IRAK3: variants seen among roughly 807,000 people sequenced by gnomAD.
The protein encoded by IRAK3 is interleukin 1 receptor associated kinase 3, also known as interleukin-1 receptor-associated kinase 3.
IRAK3 carries 57 observed loss-of-function variants against 56.6 expected under a neutral mutation model. The observed-to-expected ratio is 1.01, with a 90% CI of 0.81 to 1.26. The LOEUF is 1.26. Among genes scored for constraint, IRAK3 ranks in the 50% most tolerant of loss-of-function variants. IRAK3 has a pLI of 0.00. For synonymous variants in IRAK3, 258 were observed against 255.7 expected, an observed-to-expected ratio of 1.01 and a Z score of -0.09; for missense variants, 703 against 719.0, an observed-to-expected ratio of 0.98 and a Z score of 0.25.
chr12:66,239,362 T>C (rs2052940647), intron 8 of IRAK3, among the ~76,000 whole-genome samples: 1 of 150,632 alleles, frequency 6.6e-6, no homozygotes, highest in South Asian at 2.1e-4. Context: ...AGTGCATGGG[T>C]AATTTCCTCT....
intron 1 of IRAK3, among the ~76,000 whole-genome samples, chr12:66,193,881 C>A (rs2052423799): frequency 6.6e-6 from 1 of 152,176 alleles, no homozygotes; most frequent in Non-Finnish European, 1.5e-5. Context: ...CTGTTTCTTA[C>A]TTTTTGGAAG....
intron 6 of IRAK3, among the ~76,000 whole-genome samples, chr12:66,219,314 A>T (rs1333636150): frequency 6.6e-6 from 1 of 152,218 alleles, no homozygotes; most frequent in African/African-American, 2.4e-5. Context: ...AGATTATTGA[A>T]TCACGGGGGC....
At position 66,250,251 on chromosome 12, in the gene IRAK3, C is replaced by T. The variant is rs1332063722; in HGVS notation, c.*2080C>T. 6.6e-6 allele frequency: 1 copy of T among 152,166 alleles called. No individual in the cohort carries two copies. Among genetic ancestry groups the T allele is most frequent in the Non-Finnish European group, 1.5e-5 (1 of 68,028 alleles). The allele number at this position is 152,166 out of a possible 1,614,324, so 9.4% of individuals were successfully genotyped here. A position where few individuals can be genotyped will look rare whatever the true frequency, so the allele number is the denominator to read the frequency against. On this transcript the variant is annotated 3_prime_UTR_variant, in exon 12 of 12. Transcript: ENST00000261233. ...TAATAGAAGGGTAAACCTCTAGTTT[C>T]TTGTCCAGCAGAGGAATAGGCTCAT...
Position 66,252,674 on chromosome 12 carries a change from G to A in IRAK3, c.*4503G>A, listed in dbSNP as rs1434966793. On this transcript the variant is annotated 3_prime_UTR_variant, in exon 12 of 12. Transcript: ENST00000261233. ...CTGCCCTCATGGAGCTTATATGTAA[G>A]TGAATAAATCTCAGGGTGGTTCTCC... The A allele has an allele frequency of 6.6e-6, 1 of 152,240 alleles. No individual in the cohort carries two copies. Among genetic ancestry groups the A allele is most frequent in the African/African-American group, 2.4e-5 (1 of 41,452 alleles). The allele number at this position is 152,240 out of a possible 1,614,324, so 9.4% of individuals were successfully genotyped here.
intron 11 of IRAK3, among the ~76,000 whole-genome samples, chr12:66,245,529 CTTTTTTT>C (rs745553622): frequency 2.7e-5 from 2 of 75,354 alleles, no homozygotes; most frequent in Non-Finnish European, 4.6e-5. Context: ...TTTATTCAAT[CTTTTTTT>C]TTTTTTTTTT....
At chr12:66,244,418 A>G in intron 8 of IRAK3, 68 bp from the exon 9 acceptor site, 2 of 1,127,784 alleles carry the variant, frequency 1.8e-6, no homozygotes, top group Non-Finnish European at 2.7e-6. Context: ...GTGAGTTTAT[A>G]GTATGTTTGT....
Position 66,194,291 on chromosome 12 carries a change from C to T in IRAK3, c.133+4859C>T. The stretch of plus-strand genomic sequence containing the variant: ...TCTAGCTCTCACTTCTCTAAGCTAA[C>T]ACCCCACTGCTCTGTTCCTCTTTGT... On this transcript the variant is annotated intron_variant, in intron 1 of 11. Coordinates refer to ENST00000261233, the MANE Select transcript of IRAK3 (RefSeq NM_007199.3). Among the ~76,000 whole-genome samples the T allele has an allele frequency of 1.3e-5, 2 of 152,202 alleles. 1 individual carries two copies. Among genetic ancestry groups the T allele is most frequent in the Non-Finnish European group, 2.9e-5 (2 of 68,046 alleles).
Position 66,244,516 on chromosome 12 carries a change from A to G in IRAK3, c.918A>G (p.Gln306=). The G allele has an allele frequency of 6.2e-7, 1 of 1,614,144 alleles. No individual in the cohort carries two copies. The highest frequency in any genetic ancestry group is 1.1e-5 in the South Asian group (1 of 91,080). The part of the protein sequence containing the change: ...SANILLDDQF[Q]PKLTDFAMAH... Reference sequence around the variant, plus strand: ...ACATCCTTTTGGATGATCAGTTTCAACCCAAACTAACTGATTTTGCCATGG... The same window carrying G: ...ACATCCTTTTGGATGATCAGTTTCAGCCCAAACTAACTGATTTTGCCATGG... The change falls in exon 9 of 12, where the codon CAA becomes CAG. Residue 306 remains glutamine (Q), a synonymous_variant. Transcript: ENST00000261233.
chr12:66,242,620 G>A (rs1158524689), intron 8 of IRAK3, among the ~76,000 whole-genome samples: 1 of 152,186 alleles, frequency 6.6e-6, no homozygotes, highest in Non-Finnish European at 1.5e-5. Context: ...CGAGCCTTGG[G>A]AACCAGGCCT....
intron 5 of IRAK3, among the ~76,000 whole-genome samples, chr12:66,213,859 A>G (rs1424654122): frequency 2.0e-5 from 3 of 151,968 alleles, no homozygotes; most frequent in Non-Finnish European, 4.4e-5. Context: ...GTATCTGGCC[A>G]GAGTAACCAC....
At chr12:66,194,215 T>A (rs754088073) in intron 1 of IRAK3, among the ~76,000 whole-genome samples, 5 of 152,102 alleles carry the variant, frequency 3.3e-5, no homozygotes, top group Non-Finnish European at 7.4e-5. Context: ...GTAAGCCTGG[T>A]TTTTTGACCA....
Position 66,189,467 on chromosome 12 carries a change from G to A in IRAK3, c.133+35G>A, listed in dbSNP as rs978460773. 9.5e-6 allele frequency: 11 copies of A among 1,161,108 alleles called. No individual in the cohort carries two copies. In the East Asian group the frequency reaches 3.2e-4, roughly 34 times the overall value. 71.9% of individuals were successfully genotyped at this position (1,161,108 alleles called of 1,614,324 possible). A position where few individuals can be genotyped will look rare whatever the true frequency, so the allele number is the denominator to read the frequency against. ...CGGGGACCGGCCGGGGGCGGCGGGG[G>A]AGCCCAGCGCGCCGCGGGGCCCGCT... On this transcript the variant is annotated intron_variant, in intron 1 of 11. Transcript: ENST00000261233.
At chr12:66,209,818 T>G (rs1173151905) in intron 3 of IRAK3, among the ~76,000 whole-genome samples, 6 of 152,214 alleles carry the variant, frequency 3.9e-5, no homozygotes, top group Non-Finnish European at 8.8e-5. Flanking sequence ...AATTTTCCTT[T>G]TTTGGTTGGT....
At chr12:66,202,476 A>G (rs1021578493) in intron 1 of IRAK3, among the ~76,000 whole-genome samples, 1 of 152,204 alleles carries the variant, frequency 6.6e-6, no homozygotes, top group African/African-American at 2.4e-5. Flanking sequence ...AGGGCTTGTC[A>G]AAAGAACACA....
intron 6 of IRAK3, among the ~76,000 whole-genome samples, chr12:66,220,406 T>C (rs2052718492): frequency 6.6e-6 from 1 of 151,926 alleles, no homozygotes; most frequent in African/African-American, 2.4e-5. Flanking sequence ...TTCTATTCCA[T>C]TGGTCAATGA....
intron 1 of IRAK3, among the ~76,000 whole-genome samples, chr12:66,192,365 G>T (rs2052407480): frequency 6.6e-6 from 1 of 152,050 alleles, no homozygotes; most frequent in Admixed American, 6.5e-5. Flanking sequence ...ATGGCTTTTA[G>T]TGAAAGCAAG....
chr12:66,226,591 A>G lies in IRAK3; in HGVS notation c.654-132A>G, dbSNP rs931571151. On this transcript the variant is annotated intron_variant, in intron 6 of 11. Coordinates refer to ENST00000261233, the MANE Select transcript of IRAK3 (RefSeq NM_007199.3). ...GAAAGCAAATCTGTGTCTGTACCCAATGTGTCCGGCTGAATTTATATTCCG... is the reference window on the plus strand; with the variant it reads ...GAAAGCAAATCTGTGTCTGTACCCAGTGTGTCCGGCTGAATTTATATTCCG... 51 of 693,028 alleles carry G rather than the reference A, an allele frequency of 7.4e-5. 1 individual carries two copies. Among genetic ancestry groups the G allele is most frequent in the South Asian group, 6.9e-4 (46 of 66,756 alleles). The allele number at this position is 693,028 out of a possible 1,614,324, so 42.9% of individuals were successfully genotyped here. A position where few individuals can be genotyped will look rare whatever the true frequency, so the allele number is the denominator to read the frequency against.
At chr12:66,242,449 G>A (rs2052979693) in intron 8 of IRAK3, among the ~76,000 whole-genome samples, 1 of 152,192 alleles carries the variant, frequency 6.6e-6, no homozygotes, top group Admixed American at 6.5e-5. Flanking sequence ...CCTCATCTGA[G>A]GTATGTCAGG....
At chr12:66,243,297 A>G (rs900200956) in intron 8 of IRAK3, among the ~76,000 whole-genome samples, 10 of 152,208 alleles carry the variant, frequency 6.6e-5, no homozygotes, top group African/African-American at 2.4e-4. Flanking sequence ...AGGGATAGCA[A>G]AGACTTCTGG....
Sources: allele counts gnomAD v4.1 joint callset (sites outside exome capture counted in the v4.1 genomes callset), GRCh38; gene constraint gnomAD v4.1.1; transcripts MANE v1.5; gene names NCBI Gene and HGNC (gene_info 2026-07-23, HGNC 2026-07-21).